SHANK2: variants seen among roughly 807,000 people sequenced by gnomAD.
SHANK2 encodes the protein SH3 and multiple ankyrin repeat domains 2, also known as SH3 and multiple ankyrin repeat domains protein 2.
SHANK2 carries 43 observed loss-of-function variants against 133.7 expected under a neutral mutation model. That is an observed-to-expected ratio of 0.32 (90% CI 0.25 to 0.41). The LOEUF (loss-of-function observed/expected upper bound fraction) is 0.41, where lower values mean the gene tolerates loss of function less well. Among genes scored for constraint, SHANK2 ranks in the 10% least tolerant of loss-of-function variants. The pLI, the probability that SHANK2 is intolerant of heterozygous loss-of-function variation, is 1.00. For missense variants in SHANK2, 1,994 were observed against 2,235.8 expected (o/e 0.89, Z 2.18); for synonymous variants, 1,017 against 952.8 (o/e 1.07, Z -1.24).
intron 10 of SHANK2, among the ~76,000 whole-genome samples, chr11:70,935,789 G>A (rs1950562875): frequency 6.7e-6 from 1 of 149,062 alleles, no homozygotes; most frequent in East Asian, 1.9e-4. Context: ...ACTTGGGAAT[G>A]TTTTAAAACT....
At chr11:70,862,771 GT>G in intron 11 of SHANK2, 1 of 286,572 alleles carries the variant, frequency 3.5e-6, no homozygotes, top group Non-Finnish European at 6.9e-6. Flanking sequence ...GGGGAGCTTG[GT>G]TTTGGACACA....
intron 2 of SHANK2, among the ~76,000 whole-genome samples, chr11:71,148,411 A>G (rs565841375): frequency 7.0e-4 from 106 of 152,292 alleles, no homozygotes; most frequent in Admixed American, 1.5e-3. Context: ...AAGGACACAG[A>G]ACTCTGGGAA....
chr11:70,847,857 G>T (rs538271830), intron 11 of SHANK2, among the ~76,000 whole-genome samples: 5 of 152,242 alleles, frequency 3.3e-5, no homozygotes, highest in South Asian at 2.1e-4. Context: ...GGACCAAAGA[G>T]GGGGGCAGGG....
intron 11 of SHANK2, among the ~76,000 whole-genome samples, chr11:70,875,547 AC>A: frequency 6.6e-6 from 1 of 151,448 alleles, no homozygotes; most frequent in African/African-American, 2.4e-5. Flanking sequence ...AACAACAACA[AC>A]AACAACAACA....
At chr11:71,206,173 CAA>C (rs1330664440) in intron 2 of SHANK2, among the ~76,000 whole-genome samples, 2 of 152,184 alleles carry the variant, frequency 1.3e-5, no homozygotes, top group Non-Finnish European at 2.9e-5. Flanking sequence ...GATGCTAGTG[CAA>C]AGTCTTCTGT....
chr11:70,813,567 G>T (rs1438290650), intron 12 of SHANK2, among the ~76,000 whole-genome samples: 1 of 152,058 alleles, frequency 6.6e-6, no homozygotes, highest in Non-Finnish European at 1.5e-5. Flanking sequence ...AGGTGGGTAG[G>T]TGGGTGTGTC....
At chr11:70,742,046 A>G (rs1565284585) in intron 14 of SHANK2, among the ~76,000 whole-genome samples, 1 of 152,186 alleles carries the variant, frequency 6.6e-6, no homozygotes, top group Non-Finnish European at 1.5e-5. Context: ...CATCTGTAAA[A>G]TGGAGTAATG....
chr11:71,119,578 C>A (rs76884523), intron 3 of SHANK2, among the ~76,000 whole-genome samples: 28 of 134,430 alleles, frequency 2.1e-4, no homozygotes, highest in Admixed American at 3.0e-4. Context: ...GACTCCATCT[C>A]AAAAAAAAAA....
At chr11:70,887,461 C>T (rs548184749) in intron 11 of SHANK2, among the ~76,000 whole-genome samples, 5 of 151,948 alleles carry the variant, frequency 3.3e-5, no homozygotes, top group Admixed American at 1.3e-4. Flanking sequence ...GAACGCTTCG[C>T]GGCAGGCTGA....
At chr11:71,214,800 G>A (rs1184870680) in intron 2 of SHANK2, among the ~76,000 whole-genome samples, 1 of 152,190 alleles carries the variant, frequency 6.6e-6, no homozygotes, top group Non-Finnish European at 1.5e-5. Context: ...TCGTGCAATT[G>A]CTAAGAAGGT....
chr11:70,590,160 TAAACAAAC>T (rs758214757), intron 17 of SHANK2, among the ~76,000 whole-genome samples: 11 of 152,044 alleles, frequency 7.2e-5, no homozygotes, highest in African/African-American at 2.4e-4. Context: ...AGACTCTGTC[TAAACAAAC>T]AAACAAACAA....
chr11:70,645,999 G>A lies in SHANK2; in HGVS notation c.2061+13829C>T, dbSNP rs1278806438. ...CTAATGCCATCTCCTTCCTCACACT[G>A]CTGAGCGTGGAAGGGGACCCTGGCA... On this transcript the variant is annotated intron_variant, in intron 17 of 25. Coordinates refer to ENST00000601538, the MANE Select transcript of SHANK2 (RefSeq NM_012309.5). 3.3e-5 allele frequency among the ~76,000 whole-genome samples: 5 copies of A among 152,268 alleles called. No homozygotes were observed. In the East Asian group the frequency reaches 7.7e-4, roughly 23 times the overall value.
chr11:70,824,144 C>T (rs1283136934), intron 11 of SHANK2, among the ~76,000 whole-genome samples: 1 of 151,832 alleles, frequency 6.6e-6, no homozygotes, highest in Non-Finnish European at 1.5e-5. Flanking sequence ...AGGGTGCTGG[C>T]AGAGCTCACG....
Position 70,661,589 on chromosome 11 carries a change from C to T in SHANK2, c.1936+7G>A. On this transcript the variant is annotated splice_region_variant and intron_variant, in intron 16 of 25. Transcript: ENST00000601538. ...AACATATTCAGGCTCAGAGCGGCTGCTCTTACCTTTGGCCCCTCGAAGCAC... is the reference window on the plus strand; with the variant it reads ...AACATATTCAGGCTCAGAGCGGCTGTTCTTACCTTTGGCCCCTCGAAGCAC... 1 of 1,612,344 alleles carries T rather than the reference C, an allele frequency of 6.2e-7. No homozygotes were observed. Among genetic ancestry groups the T allele is most frequent in the Non-Finnish European group, 8.5e-7 (1 of 1,179,144 alleles).
intron 3 of SHANK2, among the ~76,000 whole-genome samples, chr11:71,124,737 C>T (rs1952150918): frequency 6.6e-6 from 1 of 152,104 alleles, no homozygotes; most frequent in African/African-American, 2.4e-5. Context: ...ACACCCACTG[C>T]CAATCTTAGT....
chr11:70,894,915 G>A (rs549939524), intron 11 of SHANK2, among the ~76,000 whole-genome samples: 85 of 152,350 alleles, frequency 5.6e-4, no homozygotes, highest in African/African-American at 2.0e-3. Context: ...CCTGTGTGCT[G>A]CTCTTTCATA....
chr11:71,219,097 G>A (rs1253195941), intron 2 of SHANK2, among the ~76,000 whole-genome samples: 2 of 152,212 alleles, frequency 1.3e-5, no homozygotes, highest in African/African-American at 4.8e-5. Flanking sequence ...AGCATTTAGA[G>A]AAGCCAGATG....
chr11:71,163,254 T>C (rs1176864094), intron 2 of SHANK2, among the ~76,000 whole-genome samples: 1 of 149,868 alleles, frequency 6.7e-6, no homozygotes, highest in Admixed American at 6.6e-5. Flanking sequence ...AGAGTCATTA[T>C]TGTGTTTGTC....
chr11:70,709,700 G>A (rs939441575), intron 14 of SHANK2, among the ~76,000 whole-genome samples: 1 of 152,192 alleles, frequency 6.6e-6, no homozygotes, highest in Non-Finnish European at 1.5e-5. Context: ...TTGGGCCGAT[G>A]GAGCGTGTGG....
Sources: allele counts gnomAD v4.1 joint callset (sites outside exome capture counted in the v4.1 genomes callset), GRCh38; gene constraint gnomAD v4.1.1; transcripts MANE v1.5; gene names NCBI Gene and HGNC (gene_info 2026-07-23, HGNC 2026-07-21).